The following MUC6 variants were observed in gnomAD, a reference collection of about 807,000 sequenced individuals.
MUC6 encodes mucin-6.
Under a neutral mutation model 201.5 loss-of-function variants are expected in MUC6, and 188 were observed. The ratio of observed to expected loss-of-function variants is 0.93; its 90% CI spans 0.83 to 1.05. MUC6 has a LOEUF of 1.05. MUC6 is among the 50% of genes least tolerant of loss of function. The pLI is 0.00. For synonymous variants in MUC6, 1,228 were observed against 1,389.4 expected (o/e 0.88, Z 2.58); for missense variants, 2,706 against 3,256.9 (o/e 0.83, Z 4.12).
chr11:1,029,334 T>C lies in MUC6; in HGVS notation c.1169A>G (p.Glu390Gly). The change falls in exon 10 of 33, where the codon GAG becomes GGG. Residue 390 changes from glutamate (E) to glycine (G), a missense_variant. By Grantham distance (98) the Glu-to-Gly change is moderately conservative (BLOSUM62 -2). Transcript: ENST00000421673. ...GGAGCAGTGTCCGGGGCACGGCCGC[T>C]CCGTGCACACCCAGCGGCCCAGGGT... ...RCTLGRWVCTERPCPGHCSLE... is the reference protein window; with the variant it reads ...RCTLGRWVCTGRPCPGHCSLE... The C allele has an allele frequency of 6.2e-7, 1 of 1,604,474 alleles. No homozygotes were observed. The highest frequency in any genetic ancestry group is 8.5e-7 in the Non-Finnish European group (1 of 1,176,524).
chr11:1,016,312 G>A lies in MUC6; in HGVS notation c.6489C>T (p.Ser2163=), dbSNP rs1440889939. 3 of 1,611,764 alleles carry A rather than the reference G, an allele frequency of 1.9e-6. No individual in the cohort carries two copies. Among genetic ancestry groups the A allele is most frequent in the East Asian group, 2.2e-5 (1 of 44,848 alleles). Residue 2163 remains serine (S), a synonymous_variant, in exon 31 of 33, where the codon TCC becomes TCT. Coordinates refer to ENST00000421673, the MANE Select transcript of MUC6 (RefSeq NM_005961.3). ...AGTGCACGGGGGCGGACACGAAAGA[G>A]GAAGATGTGCCAACAGAAGGCGATG... ...QTSSPSVGTS[S]SFVSAPVHST... is the part of the protein sequence containing the mutation.
chr11:1,031,139 C>A (rs1294103181), intron 5 of MUC6, 30 bp downstream of exon 5: 3 of 1,420,412 alleles, frequency 2.1e-6, no homozygotes, highest in Non-Finnish European at 2.8e-6. Flanking sequence ...GAGGCCCCCC[C>A]AGAGGCCCCC....
chr11:1,025,209 G>A lies in MUC6; in HGVS notation c.2958C>T (p.Ile986=), dbSNP rs1856925502. Residue 986 remains isoleucine, a synonymous_variant, in exon 23 of 33, where the codon ATC becomes ATT. Transcript: ENST00000421673. The stretch of plus-strand genomic sequence containing the variant: ...GGGAGGCACGGGCGATCCTGATGAG[G>A]ATGGTCATGTGCCTGTTCCAGATGA... ...LTLIWNRHMT[I]LIRIARASQD... 1.2e-6 allele frequency: 2 copies of A among 1,612,668 alleles called. No individual in the cohort carries two copies. The highest frequency in any genetic ancestry group is 1.7e-6 in the Non-Finnish European group (2 of 1,179,706).
At position 1,029,488 on chromosome 11, in the gene MUC6, C is replaced by T. The variant is rs866779438; in HGVS notation, c.1136+7G>A. On this transcript the variant is annotated splice_region_variant and intron_variant, in intron 9 of 32. Transcript: ENST00000421673. Reference sequence around the variant, plus strand: ...CCGGCCAGAGCCCCCTCCGGCGCCTCACTCACCAGGTTTGGCAGGCAGCTA... The same window carrying T: ...CCGGCCAGAGCCCCCTCCGGCGCCTTACTCACCAGGTTTGGCAGGCAGCTA... 3 of 1,611,912 alleles carry T rather than the reference C, an allele frequency of 1.9e-6. No individual in the cohort carries two copies. Among genetic ancestry groups the T allele is most frequent in the Middle Eastern group, 1.7e-4 (1 of 6,050 alleles).
intron 16 of MUC6, 40 bp from the exon 17 acceptor site, chr11:1,027,557 G>A (rs1229564619): frequency 6.9e-6 from 11 of 1,605,824 alleles, no homozygotes; most frequent in South Asian, 6.6e-5. Flanking sequence ...GGGAGGGGGC[G>A]GCCGGGAGGG....
intron 26 of MUC6, 91 bp from the exon 27 acceptor site, chr11:1,021,368 C>CTTT (rs541461716): frequency 6.7e-4 from 301 of 448,728 alleles, no homozygotes; most frequent in South Asian, 1.8e-3. Flanking sequence ...TTCCTCTCTG[C>CTTT]TTTTTTTTTT....
At chr11:1,031,780 C>T (rs1319138873) in intron 3 of MUC6, 33 bp downstream of exon 3, 1 of 1,558,360 alleles carries the variant, frequency 6.4e-7, no homozygotes, top group South Asian at 1.2e-5. Context: ...CCTCCGGCCC[C>T]CGAGCCCCCG....
rs1857053150 is a variant in MUC6, at chr11:1,029,581, G to C, written c.1050C>G (p.Thr350=). 2 of 1,608,416 alleles carry C rather than the reference G, an allele frequency of 1.2e-6. No individual in the cohort carries two copies. Among genetic ancestry groups the C allele is most frequent in the African/African-American group, 2.7e-5 (2 of 74,950 alleles). The change falls in exon 9 of 33, where the codon ACC becomes ACG. Residue 350 remains threonine, a synonymous_variant. Transcript: ENST00000421673. ...AGGGGCACTGGGTGACGGGCACGCA[G>C]GTGTGGTTATTGGAGAGGTCATTCA... ...TVLNDLSNNH[T]CVPVTQCPCV...
rs377457169 is a variant in MUC6, at chr11:1,032,997, G to A, written c.115+16C>T. 224 of 1,572,758 alleles carry A rather than the reference G, an allele frequency of 1.4e-4. No individual in the cohort carries two copies. The highest frequency in any genetic ancestry group is 1.2e-4 in the Non-Finnish European group (139 of 1,150,756). On this transcript the variant is annotated intron_variant, in intron 2 of 32. Transcript: ENST00000421673. ...GGTGGTCTGGGCGGCAGGATCAGTG[G>A]CCGCTGTGTTCTTACCTGTCTGTGG...
intron 4 of MUC6, 136 bp downstream of exon 4, chr11:1,031,471 T>C: frequency 7.1e-7 from 1 of 1,406,668 alleles, no homozygotes; most frequent in Non-Finnish European, 9.5e-7. Context: ...GGGTCAGCAC[T>C]GCTTGGCACG....
intron 24 of MUC6, among the ~76,000 whole-genome samples, chr11:1,024,475 C>A (rs1012617379): frequency 6.6e-6 from 1 of 152,206 alleles, no homozygotes; most frequent in South Asian, 2.1e-4. Context: ...CTTACTGCGC[C>A]GCGATGGCCG....
Position 1,032,029 on chromosome 11 carries a change from G to C in MUC6, c.140C>G (p.Thr47Arg), listed in dbSNP as rs1026161249. 6.2e-7 allele frequency: 1 copy of C among 1,613,364 alleles called. No homozygotes were observed. Among genetic ancestry groups the C allele is most frequent in the Non-Finnish European group, 8.5e-7 (1 of 1,179,870 alleles). ...GGTGGAGAAGTGACCAGCCCCCCAC[G>C]TGGAGCACTGGCCTTTGTCCGGGGC... is the stretch of plus-strand genomic sequence containing the variant. ...QTAPDKGQCS[T>R]WGAGHFSTFD... is the part of the protein sequence containing the mutation. Residue 47 changes from threonine to arginine, a missense_variant, in exon 3 of 33, where the codon ACG (threonine) becomes AGG (arginine). Coordinates refer to ENST00000421673, the MANE Select transcript of MUC6 (RefSeq NM_005961.3).
rs754651992 is a variant in MUC6 at position 1,028,703 on chromosome 11, G to A, written c.1534C>T (p.Arg512Cys). 4.2e-5 allele frequency: 68 copies of A among 1,611,256 alleles called. No homozygotes were observed. The highest frequency in any genetic ancestry group is 8.9e-5 in the East Asian group (4 of 44,850). ...SFGLELVVQL[R>C]PIFQAYVTVG... ...GTGACATAGGCCTGGAAGATGGGGC[G>A]CAGCTGGACCACGAGCTCCAGCCCG... Residue 512 changes from arginine (R) to cysteine (C), a missense_variant, in exon 13 of 33, where the codon CGC becomes TGC. Transcript: ENST00000421673.
At position 1,018,732 on chromosome 11, in the gene MUC6, T is replaced by C. The variant is rs2133819718; in HGVS notation, c.4069A>G (p.Thr1357Ala). Residue 1357 changes from threonine (T) to alanine (A), a missense_variant, in exon 31 of 33, where the codon ACC becomes GCC. Thr to Ala is a moderately conservative substitution (Grantham distance 58). Coordinates refer to ENST00000421673, the MANE Select transcript of MUC6 (RefSeq NM_005961.3). ...GTTGGACGTGGGCCTGTCGTCTGGG[T>C]GGCCGTTGTTCCTGGCAGTTCCTGA... ...TNQELPGTTA[T>A]QTTGPRPTPA... is the part of the protein sequence containing the mutation. 2 of 1,582,980 alleles carry C rather than the reference T, an allele frequency of 1.3e-6. No individual in the cohort carries two copies. Among genetic ancestry groups the C allele is most frequent in the East Asian group, 4.5e-5 (2 of 44,526 alleles).
intron 26 of MUC6, among the ~76,000 whole-genome samples, chr11:1,023,157 G>A (rs1304254765): frequency 2.0e-5 from 3 of 152,154 alleles, no homozygotes; most frequent in East Asian, 1.9e-4. Flanking sequence ...GTGAATGTGC[G>A]TGAATGAATG....
rs373330810 is a variant in MUC6 at position 1,027,349 on chromosome 11, C to T, written c.2150G>A (p.Arg717His). ...TYLNQKGECV[R>H]KAQCPCILEG... ...CAGTATGCACGGGCACTGGGCCTTGCGCACACACTCGCCCTTTTGGTTCAG... is the reference window on the plus strand; with the variant it reads ...CAGTATGCACGGGCACTGGGCCTTGTGCACACACTCGCCCTTTTGGTTCAG... Residue 717 changes from arginine (R) to histidine (H), a missense_variant, in exon 17 of 33, where the codon CGC becomes CAC. Physicochemically the swap from Arg to His is conservative, Grantham distance 29 (BLOSUM62 0). Around this residue, in one of 10 missense-constraint regions of MUC6, gnomAD observed 1,850 missense variants for 1,958.3 expected, o/e 0.94. Coordinates refer to ENST00000421673, the MANE Select transcript of MUC6 (RefSeq NM_005961.3). 97 of 1,612,854 alleles carry T rather than the reference C, an allele frequency of 6.0e-5. No individual in the cohort carries two copies. Among genetic ancestry groups the T allele is most frequent in the African/African-American group, 2.8e-4 (21 of 74,922 alleles).
At position 1,026,084 on chromosome 11, in the gene MUC6, G is replaced by A. The variant is rs12801568; in HGVS notation, c.2604C>T (p.Cys868=). The change falls in exon 21 of 33, where the codon TGC becomes TGT. Residue 868 remains cysteine (C), a synonymous_variant. Coordinates refer to ENST00000421673, the MANE Select transcript of MUC6 (RefSeq NM_005961.3). ...CQQGTHCPST[C]TLYGEGHVIT... is the part of the protein sequence containing the mutation. ...TGACGTGGCCCTCCCCGTAGAGGGT[G>A]CAGGTGGATGGGCAGTGGGTGCCCT... 124,843 of 1,598,692 alleles carry A rather than the reference G, an allele frequency of 0.078. 5,242 individuals carry two copies. The highest frequency in any genetic ancestry group is 0.12 in the African/African-American group (8,615 of 74,824).
intron 27 of MUC6, 68 bp downstream of exon 27, chr11:1,021,147 G>T (rs1397933849): frequency 1.4e-6 from 2 of 1,410,446 alleles, no homozygotes; most frequent in Non-Finnish European, 1.9e-6. Context: ...TTGTTTGTGG[G>T]ATGTGGACGT....
intron 19 of MUC6, 104 bp downstream of exon 19, chr11:1,026,837 G>A (rs576125843): frequency 7.5e-6 from 9 of 1,206,690 alleles, no homozygotes; most frequent in South Asian, 6.1e-5. Flanking sequence ...CCAGGCACCC[G>A]CTGCAGGGCA....
Sources: allele counts gnomAD v4.1 joint callset (sites outside exome capture counted in the v4.1 genomes callset), GRCh38; gene constraint gnomAD v4.1.1; regional missense constraint gnomAD v4.1.1; transcripts MANE v1.5; gene names NCBI Gene and HGNC (gene_info 2026-07-23, HGNC 2026-07-21).